PNPT1: variants seen among roughly 807,000 people sequenced by gnomAD.
The protein encoded by PNPT1 is polyribonucleotide nucleotidyltransferase 1, mitochondrial.
In PNPT1, 53 loss-of-function variants were observed where a neutral mutation model predicts 119.5. That is an observed-to-expected ratio of 0.44 (90% CI 0.36 to 0.56). The LOEUF (loss-of-function observed/expected upper bound fraction) is 0.56. PNPT1 is among the 20% of genes least tolerant of loss of function. PNPT1 has a pLI of 0.00. For synonymous variants in PNPT1, 357 were observed against 322.1 expected, an observed-to-expected ratio of 1.11 and a Z score of -1.16; for missense variants, 948 against 938.5, an observed-to-expected ratio of 1.01 and a Z score of -0.13.
Position 55,691,403 on chromosome 2 carries a change from G to T in PNPT1, c.161+2260C>A, listed in dbSNP as rs1216088355. Among the ~76,000 whole-genome samples the T allele has an allele frequency of 3.3e-5, 5 of 152,146 alleles. No homozygotes were observed. In the East Asian group the frequency reaches 9.6e-4, roughly 29 times the overall value. On this transcript the variant is annotated intron_variant, in intron 1 of 27. Coordinates refer to ENST00000447944, the MANE Select transcript of PNPT1 (RefSeq NM_033109.5). The stretch of plus-strand genomic sequence containing the variant: ...TATGATAACAAATATAATGTGCCTG[G>T]TACATAGTAGTCACTCAATAAATGT...
At chr2:55,643,046 C>G (rs1695881965) in intron 25 of PNPT1, 112 bp downstream of exon 25, 1 of 1,138,694 alleles carries the variant, frequency 8.8e-7, no homozygotes, top group South Asian at 1.3e-5. Flanking sequence ...CCCAGGAGTT[C>G]AAGGCAGCTG....
intron 1 of PNPT1, 131 bp from the exon 2 acceptor site, chr2:55,687,836 G>T: frequency 1.7e-6 from 1 of 587,038 alleles, no homozygotes; most frequent in South Asian, 2.6e-5. Context: ...ACAAAAAGGG[G>T]CAGAATCCAT....
chr2:55,678,708 G>A (rs926003951), intron 8 of PNPT1, among the ~76,000 whole-genome samples: 6 of 152,138 alleles, frequency 3.9e-5, no homozygotes, highest in Non-Finnish European at 8.8e-5. Context: ...TACCACCTCT[G>A]AATTTCTTTT....
Position 55,634,920 on chromosome 2 carries a change from C to G in PNPT1, c.*1317G>C, listed in dbSNP as rs1041208314. The stretch of plus-strand genomic sequence containing the variant: ...AGAGATAAGAGTCCTGCTATGTTGC[C>G]CAGGCTGGAGTACAGTAGCTATTCA... On this transcript the variant is annotated 3_prime_UTR_variant, in exon 28 of 28. Transcript: ENST00000447944. 1 of 152,054 alleles carries G rather than the reference C, an allele frequency of 6.6e-6. No homozygotes were observed. Among genetic ancestry groups the G allele is most frequent in the Non-Finnish European group, 1.5e-5 (1 of 68,050 alleles). The allele number at this position is 152,054 out of a possible 1,614,324, so 9.4% of individuals were successfully genotyped here. A position where few individuals can be genotyped will look rare whatever the true frequency, so the allele number is the denominator to read the frequency against.
intron 12 of PNPT1, 79 bp from the exon 13 acceptor site, chr2:55,667,172 T>G: frequency 9.4e-7 from 1 of 1,061,892 alleles, no homozygotes; most frequent in Non-Finnish European, 1.4e-6. Flanking sequence ...TCCCAGGAAG[T>G]TCTCAACCTC....
chr2:55,693,837 C>T lies in PNPT1; in HGVS notation c.-14G>A, dbSNP rs750421601. 34 of 1,612,306 alleles carry T rather than the reference C, an allele frequency of 2.1e-5. No homozygotes were observed. In the South Asian group the frequency reaches 3.6e-4, roughly 17 times the overall value. Reference sequence around the variant, plus strand: ...GCAGGCCGCCATGACACCCGGCACGCGGTCAACGCAGGCTGTGCCCTGATT... The same window carrying T: ...GCAGGCCGCCATGACACCCGGCACGTGGTCAACGCAGGCTGTGCCCTGATT... On this transcript the variant is annotated 5_prime_UTR_variant, in exon 1 of 28. Transcript: ENST00000447944.
chr2:55,686,264 T>A (rs1252587927), intron 3 of PNPT1, 106 bp downstream of exon 3: 10 of 964,116 alleles, frequency 1.0e-5, no homozygotes, highest in Non-Finnish European at 1.4e-5. Context: ...AATTCTTTGT[T>A]GTGCAAGTTT....
At chr2:55,644,037 T>C (rs577553244) in intron 23 of PNPT1, among the ~76,000 whole-genome samples, 11 of 152,198 alleles carry the variant, frequency 7.2e-5, no homozygotes, top group Non-Finnish European at 1.3e-4. Context: ...TCTGCTCTCT[T>C]AATTACGAGT....
At chr2:55,681,770 G>C (rs1285199128) in intron 5 of PNPT1, among the ~76,000 whole-genome samples, 1 of 151,244 alleles carries the variant, frequency 6.6e-6, no homozygotes, top group Non-Finnish European at 1.5e-5. Flanking sequence ...ACTTGAACCC[G>C]GAGGCAGAGG....
intron 18 of PNPT1, among the ~76,000 whole-genome samples, chr2:55,650,943 G>A (rs1696164353): frequency 6.7e-6 from 1 of 149,954 alleles, no homozygotes; most frequent in Admixed American, 6.6e-5. Context: ...CGGGAGGGAG[G>A]TGGGGGGATC....
At chr2:55,642,941 A>T (rs1695878495) in intron 25 of PNPT1, among the ~76,000 whole-genome samples, 1 of 152,100 alleles carries the variant, frequency 6.6e-6, no homozygotes, top group Non-Finnish European at 1.5e-5. Flanking sequence ...ACATAGTGAG[A>T]CCATGTCTTT....
At chr2:55,638,208 A>G (rs1275533472) in intron 26 of PNPT1, among the ~76,000 whole-genome samples, 1 of 151,638 alleles carries the variant, frequency 6.6e-6, no homozygotes, top group Non-Finnish European at 1.5e-5. Flanking sequence ...AGGCTGAGGC[A>G]GGAGAATTGC....
intron 8 of PNPT1, among the ~76,000 whole-genome samples, chr2:55,676,262 C>CAAAAAAAAAAAAA (rs11400030): frequency 1.2e-5 from 1 of 82,850 alleles, no homozygotes; most frequent in Non-Finnish European, 2.1e-5. Context: ...CCATCTCAAC[C>CAAAAAAAAAAAAA]AAAAAAAAAA....
intron 26 of PNPT1, 140 bp from the exon 27 acceptor site, chr2:55,637,739 G>A (rs1031652026): frequency 4.4e-6 from 3 of 677,408 alleles, no homozygotes; most frequent in African/African-American, 3.6e-5. Context: ...GCTCAAGCCT[G>A]TAATTCCAGC....
At chr2:55,683,749 T>G in intron 5 of PNPT1, 36 bp downstream of exon 5, 6 of 1,561,034 alleles carry the variant, frequency 3.8e-6, no homozygotes, top group Non-Finnish European at 5.3e-6. Flanking sequence ...AATTTTTGAT[T>G]GATCTGGCAA....
At chr2:55,644,070 CCTTA>C (rs1333894420) in intron 23 of PNPT1, among the ~76,000 whole-genome samples, 4 of 152,208 alleles carry the variant, frequency 2.6e-5, no homozygotes, top group East Asian at 1.9e-4. Flanking sequence ...AGAACCCTTT[CCTTA>C]CTTTTTTTCT....
intron 15 of PNPT1, among the ~76,000 whole-genome samples, chr2:55,657,153 A>T (rs1160575573): frequency 6.6e-6 from 1 of 151,944 alleles, no homozygotes; most frequent in Non-Finnish European, 1.5e-5. Flanking sequence ...ACATGGTGAG[A>T]CCCTGTATCT....
chr2:55,642,578 C>T (rs1263522581), intron 25 of PNPT1, among the ~76,000 whole-genome samples: 1 of 140,492 alleles, frequency 7.1e-6, no homozygotes, highest in African/African-American at 2.8e-5. Flanking sequence ...TGCACTCCAG[C>T]CTGGGTGACA....
chr2:55,679,823 G>A, intron 7 of PNPT1, 28 bp from the exon 8 acceptor site: 1 of 1,483,972 alleles, frequency 6.7e-7, no homozygotes, highest in Non-Finnish European at 9.3e-7. Context: ...ATTGGCAACT[G>A]TTTAATGGAA....
Sources: allele counts gnomAD v4.1 joint callset (sites outside exome capture counted in the v4.1 genomes callset), GRCh38; gene constraint gnomAD v4.1.1; transcripts MANE v1.5; gene names NCBI Gene and HGNC (gene_info 2026-07-23, HGNC 2026-07-21).